The following GPN1 variants were observed in gnomAD, a reference collection of about 807,000 sequenced individuals.
GPN1 encodes GPN-loop GTPase 1.
A neutral mutation model predicts 55.9 loss-of-function variants in GPN1; 44 were observed. The observed-to-expected ratio is 0.79, with a 90% CI of 0.62 to 1.01. GPN1 has a LOEUF of 1.01. Ranked by LOEUF, GPN1 falls within the 50% of genes least tolerant of loss-of-function variation. The pLI is 0.00. For missense variants in GPN1, 466 were observed against 462.8 expected (o/e 1.01, Z -0.06); for synonymous variants, 179 against 162.5 (o/e 1.10, Z -0.77).
At chr2:27,631,244 C>T (rs534488222) in intron 3 of GPN1, 178 bp downstream of exon 3, 3 of 594,208 alleles carry the variant, frequency 5.0e-6, no homozygotes, top group Non-Finnish European at 9.0e-6. Context: ...TTTTAGTTTT[C>T]TTACCATCTC....
In GPN1 at chr2:27,639,002, G is replaced by A. The variant is rs1304799398; in HGVS notation, c.688G>A (p.Val230Met). The change falls in exon 9 of 14, where the codon GTG becomes ATG. Residue 230 changes from valine to methionine, a missense_variant. Coordinates refer to ENST00000610189, the MANE Select transcript of GPN1 (RefSeq NM_007266.4). ...TAACCTGACTCGTTCAATGAGCCTG[G>A]TGTTAGATGAGTTTTACAGCTCACT... ...VSNLTRSMSLVLDEFYSSLRV... is the reference protein window; with the variant it reads ...VSNLTRSMSLMLDEFYSSLRV... The A allele has an allele frequency of 6.2e-7, 1 of 1,612,918 alleles. No homozygotes were observed.
In GPN1 at chr2:27,646,799, T is replaced by C. The variant is rs188794667; in HGVS notation, c.932-1037T>C. ...TGATGCTTCTGTTCATGAAAGTTAT[T>C]GCTCTATATCTAGTAGAGAACAGCA... On this transcript the variant is annotated intron_variant, in intron 12 of 13. Transcript: ENST00000610189. 2.6e-3 allele frequency among the ~76,000 whole-genome samples: 403 copies of C among 152,352 alleles called. 1 individual carries two copies. The highest frequency in any genetic ancestry group is 9.1e-3 in the African/African-American group (379 of 41,574).
Position 27,650,227 on chromosome 2 carries a change from C to T in GPN1, c.*27C>T. The T allele has an allele frequency of 1.5e-6, 2 of 1,366,570 alleles. No homozygotes were observed. Among genetic ancestry groups the T allele is most frequent in the East Asian group, 2.3e-5 (1 of 43,572 alleles). The allele number at this position is 1,366,570 out of a possible 1,614,324, so 84.7% of individuals were successfully genotyped here. A position where few individuals can be genotyped will look rare whatever the true frequency, so the allele number is the denominator to read the frequency against. ...AGACTTTAGCACACTTCACTTGTTT[C>T]TAGAAGTCCAGAATTTTGGACCTCC... On this transcript the variant is annotated 3_prime_UTR_variant, in exon 14 of 14. Coordinates refer to ENST00000610189, the MANE Select transcript of GPN1 (RefSeq NM_007266.4).
At chr2:27,649,418 G>A (rs1674410570) in intron 13 of GPN1, among the ~76,000 whole-genome samples, 2 of 151,458 alleles carry the variant, frequency 1.3e-5, no homozygotes, top group Non-Finnish European at 3.0e-5. Flanking sequence ...CTCACTTTTT[G>A]AGTATATAGT....
At position 27,638,957 on chromosome 2, in the gene GPN1, C is replaced by G; in HGVS notation, c.643C>G (p.Gln215Glu). The change falls in exon 9 of 14, where the codon CAA (glutamine) becomes GAA (glutamate). Residue 215 changes from glutamine (Q) to glutamate (E), a missense_variant. Transcript: ENST00000610189. ...TGAGGCTTTCCAAGATGCCTTGAAT[C>G]AAGAGACTACATACGTCAGTAACCT... ...DFEAFQDALN[Q>E]ETTYVSNLTR... The G allele has an allele frequency of 1.2e-6, 2 of 1,613,204 alleles. No homozygotes were observed. The highest frequency in any genetic ancestry group is 1.7e-5 in the Admixed American group (1 of 60,016).
intron 8 of GPN1, among the ~76,000 whole-genome samples, chr2:27,638,474 C>G (rs547472731): frequency 6.6e-6 from 1 of 152,320 alleles, no homozygotes; most frequent in Admixed American, 6.5e-5. Flanking sequence ...TAGAGTAGCA[C>G]TTCAACCACA....
At position 27,637,022 on chromosome 2, in the gene GPN1, C is replaced by A. The variant is rs954649224; in HGVS notation, c.525-1188C>A. On this transcript the variant is annotated intron_variant, in intron 7 of 13. Coordinates refer to ENST00000610189, the MANE Select transcript of GPN1 (RefSeq NM_007266.4). Reference sequence around the variant, plus strand: ...ATGAAACATACAGTTGATCCTTGAACAATTTGGGGGTTAGAGGCGCCAACC... The same window carrying A: ...ATGAAACATACAGTTGATCCTTGAAAAATTTGGGGGTTAGAGGCGCCAACC... Among the ~76,000 whole-genome samples the A allele has an allele frequency of 2.6e-5, 4 of 152,030 alleles. No individual in the cohort carries two copies. The South Asian group carries it at 8.3e-4, about 32-fold the overall frequency.
chr2:27,633,225 G>A (rs962312225), intron 5 of GPN1, among the ~76,000 whole-genome samples: 1 of 152,160 alleles, frequency 6.6e-6, no homozygotes, highest in Non-Finnish European at 1.5e-5. Flanking sequence ...ATCATTCAGC[G>A]ACTAGCATTC....
chr2:27,642,356 C>A, intron 11 of GPN1, 73 bp from the exon 12 acceptor site: 1 of 863,974 alleles, frequency 1.2e-6, no homozygotes, highest in Non-Finnish European at 2.0e-6. Flanking sequence ...AATTCTTCAT[C>A]TCCACTGAGA....
chr2:27,629,687 G>A (rs958822445), intron 1 of GPN1, among the ~76,000 whole-genome samples, 172 bp from the exon 2 acceptor site: 12 of 152,216 alleles, frequency 7.9e-5, no homozygotes, highest in African/African-American at 2.9e-4. Context: ...GATGGGTGAT[G>A]AAGAAAGGTA....
Position 27,631,895 on chromosome 2 carries a change from G to C in GPN1, c.307G>C (p.Asp103His). Residue 103 changes from aspartate to histidine, a missense_variant, in exon 4 of 14, where the codon GAT becomes CAT. Coordinates refer to ENST00000610189, the MANE Select transcript of GPN1 (RefSeq NM_007266.4). ...ACTCAATCTCTTTGCTACCAGATTT[G>C]ATCAGGTATATCTGTCTTTAGTATA... ...TSLNLFATRFDQVMKFIEKAQ... is the reference protein window; with the variant it reads ...TSLNLFATRFHQVMKFIEKAQ... The C allele has an allele frequency of 6.4e-7, 1 of 1,554,354 alleles. No homozygotes were observed. The highest frequency in any genetic ancestry group is 8.9e-7 in the Non-Finnish European group (1 of 1,125,468).
At chr2:27,638,585 T>C (rs999078576) in intron 8 of GPN1, among the ~76,000 whole-genome samples, 1 of 152,220 alleles carries the variant, frequency 6.6e-6, no homozygotes, top group Non-Finnish European at 1.5e-5. Flanking sequence ...CTCTGTTGGT[T>C]GATGGCTAGG....
At chr2:27,638,102 T>TA in intron 7 of GPN1, 108 bp from the exon 8 acceptor site, 2 of 661,902 alleles carry the variant, frequency 3.0e-6, no homozygotes, top group South Asian at 3.5e-5. Flanking sequence ...GACTACTTTT[T>TA]AGATTCTGAA....
At chr2:27,630,873 G>A (rs1673520084) in intron 2 of GPN1, among the ~76,000 whole-genome samples, 154 bp from the exon 3 acceptor site, 1 of 152,102 alleles carries the variant, frequency 6.6e-6, no homozygotes, top group African/African-American at 2.4e-5. Flanking sequence ...TGATTTACTT[G>A]GCATTTATTC....
Position 27,629,968 on chromosome 2 carries a change from A to G in GPN1, c.205+16A>G, listed in dbSNP as rs779058999. ...GCCAATATTGGTGAGTAAACCAGTA[A>G]CATAACTTGTGTGCAGTGCTTTAAA... On this transcript the variant is annotated intron_variant, in intron 2 of 13. Coordinates refer to ENST00000610189, the MANE Select transcript of GPN1 (RefSeq NM_007266.4). 6.5e-6 allele frequency: 9 copies of G among 1,374,480 alleles called. No homozygotes were observed. Among genetic ancestry groups the G allele is most frequent in the Non-Finnish European group, 9.4e-6 (9 of 961,144 alleles). The allele number at this position is 1,374,480 out of a possible 1,614,324, so 85.1% of individuals were successfully genotyped here.
chr2:27,630,027 G>T lies in GPN1; in HGVS notation c.205+75G>T, dbSNP rs1261890494. 4.6e-6 allele frequency: 4 copies of T among 863,786 alleles called. No homozygotes were observed. The Admixed American group carries it at 6.9e-5, about 15-fold the overall frequency. The allele number at this position is 863,786 out of a possible 1,614,324, so 53.5% of individuals were successfully genotyped here. Reference sequence around the variant, plus strand: ...AAAAGGCCAGGCGTGGTGGCTCACGGCTGTAATCTCAGCACTTTGGGAGGC... The same window carrying T: ...AAAAGGCCAGGCGTGGTGGCTCACGTCTGTAATCTCAGCACTTTGGGAGGC... On this transcript the variant is annotated intron_variant, in intron 2 of 13. Coordinates refer to ENST00000610189, the MANE Select transcript of GPN1 (RefSeq NM_007266.4).
At position 27,629,134 on chromosome 2, in the gene GPN1, G is replaced by C; in HGVS notation, c.76G>C (p.Gly26Arg). ...PRHPVCLLVL[G>R]MAGSGKTTFV... ...GCACCCAGTGTGTCTGTTGGTGTTG[G>C]GAATGGCGGGATCCGGGAAAACCAC... Residue 26 changes from glycine (G) to arginine (R), a missense_variant, in exon 1 of 14, where the codon GGA becomes CGA. Gly to Arg is a moderately radical substitution (Grantham distance 125). Coordinates refer to ENST00000610189, the MANE Select transcript of GPN1 (RefSeq NM_007266.4). 6.2e-7 allele frequency: 1 copy of C among 1,614,230 alleles called. No individual in the cohort carries two copies. The highest frequency in any genetic ancestry group is 1.1e-5 in the South Asian group (1 of 91,084).
rs753864862 is a variant in GPN1, at chr2:27,650,202, A to G, written c.*2A>G. On this transcript the variant is annotated 3_prime_UTR_variant, in exon 14 of 14. Coordinates refer to ENST00000610189, the MANE Select transcript of GPN1 (RefSeq NM_007266.4). ...TACTGGAAGAGAAACAATAAATAGG[A>G]GACTTTAGCACACTTCACTTGTTTC... 3 of 1,543,756 alleles carry G rather than the reference A, an allele frequency of 1.9e-6. No homozygotes were observed. The highest frequency in any genetic ancestry group is 1.1e-5 in the South Asian group (1 of 89,590).
At chr2:27,645,699 CTTTTT>C (rs1238888417) in intron 12 of GPN1, among the ~76,000 whole-genome samples, 1 of 150,858 alleles carries the variant, frequency 6.6e-6, no homozygotes, top group Non-Finnish European at 1.5e-5. Context: ...TTGCCTGTTT[CTTTTT>C]AATTTTTTTT....
Sources: gnomAD v4.1 joint callset for allele counts (sites outside exome capture counted in the v4.1 genomes callset) on GRCh38, gnomAD v4.1.1 for gene constraint, MANE v1.5 for transcripts, NCBI Gene and HGNC (gene_info 2026-07-23, HGNC 2026-07-21) for gene names.